The following DOCK1 variants were observed in gnomAD, a reference collection of about 807,000 sequenced individuals.
DOCK1 encodes the protein dedicator of cytokinesis protein 1.
In DOCK1, 138 loss-of-function variants were observed where a neutral mutation model predicts 262.7. The observed-to-expected ratio is 0.53, with a 90% CI of 0.46 to 0.61. The LOEUF is 0.61. Among genes scored for constraint, DOCK1 ranks in the 20% least tolerant of loss-of-function variants. DOCK1 has a pLI of 0.00. For missense variants in DOCK1, 1,908 were observed against 2,370.7 expected (o/e 0.80, Z 4.05); for synonymous variants, 866 against 867.4 (o/e 1.00, Z 0.03).
At chr10:127,021,166 G>T (rs1246325537) in intron 13 of DOCK1, among the ~76,000 whole-genome samples, 1 of 152,152 alleles carries the variant, frequency 6.6e-6, no homozygotes, top group Admixed American at 6.5e-5. Context: ...CGCACTTGAG[G>T]TGTACTTGGG....
chr10:127,125,025 G>A (rs745448645), intron 25 of DOCK1, among the ~76,000 whole-genome samples: 14 of 152,132 alleles, frequency 9.2e-5, no homozygotes, highest in Non-Finnish European at 1.9e-4. Context: ...GCTGAGGCGG[G>A]AGAATGGCGT....
intron 25 of DOCK1, among the ~76,000 whole-genome samples, chr10:127,115,590 C>A (rs554485088): frequency 1.7e-4 from 26 of 152,230 alleles, no homozygotes; most frequent in African/African-American, 6.3e-4. Flanking sequence ...AAGCTTAAAT[C>A]TTATAGAAAT....
chr10:126,930,210 A>G (rs974782717), intron 1 of DOCK1, among the ~76,000 whole-genome samples: 1 of 152,078 alleles, frequency 6.6e-6, no homozygotes, highest in Non-Finnish European at 1.5e-5. Flanking sequence ...CTTGTGATGG[A>G]CTTGTGGGTT....
chr10:126,966,919 C>G (rs1218833246), intron 1 of DOCK1, among the ~76,000 whole-genome samples: 1 of 152,192 alleles, frequency 6.6e-6, no homozygotes, highest in Non-Finnish European at 1.5e-5. Context: ...AGTCTGCTGT[C>G]CAGGGTTGAG....
intron 23 of DOCK1, among the ~76,000 whole-genome samples, chr10:127,089,657 A>G (rs2047403384): frequency 6.6e-6 from 1 of 152,150 alleles, no homozygotes; most frequent in Admixed American, 6.5e-5. Flanking sequence ...TTTCCAGGCC[A>G]TGGATGATGT....
At chr10:127,403,261 A>G (rs1337981980) in intron 39 of DOCK1, 117 bp downstream of exon 39, 3 of 977,882 alleles carry the variant, frequency 3.1e-6, no homozygotes, top group African/African-American at 1.6e-5. Flanking sequence ...GACCTTGGCC[A>G]TGTCCCTCCG....
intron 38 of DOCK1, among the ~76,000 whole-genome samples, chr10:127,390,706 C>G (rs12263901): frequency 0.31 from 46,377 of 151,988 alleles, 7,485 homozygotes; most frequent in Admixed American, 0.46. Flanking sequence ...TGTGACTTGA[C>G]GCCCCCAGCA....
At chr10:127,419,537 G>A (rs2068370235) in intron 45 of DOCK1, 129 bp from the exon 46 acceptor site, 8 of 832,846 alleles carry the variant, frequency 9.6e-6, no homozygotes, top group African/African-American at 1.7e-5. Flanking sequence ...GTGACCCTGA[G>A]TCTGCAGTGA....
At chr10:127,196,600 C>CGGGGCGGAGGT (rs1371977002) in intron 27 of DOCK1, among the ~76,000 whole-genome samples, 1 of 70,250 alleles carries the variant, frequency 1.4e-5, no homozygotes, top group Non-Finnish European at 2.8e-5. Flanking sequence ...CCGGGCCCCG[C>CGGGGCGGAGGT]GGGGCGGAGG....
intron 22 of DOCK1, among the ~76,000 whole-genome samples, chr10:127,058,700 A>G (rs1284628047): frequency 6.6e-6 from 1 of 151,006 alleles, no homozygotes; most frequent in Non-Finnish European, 1.5e-5. Flanking sequence ...TATTCTAGAG[A>G]TGGTAACATC....
chr10:127,271,040 T>C (rs898588135), intron 29 of DOCK1, among the ~76,000 whole-genome samples: 4 of 150,080 alleles, frequency 2.7e-5, no homozygotes, highest in African/African-American at 7.3e-5. Flanking sequence ...CACACACACA[T>C]ATATAAATGT....
intron 29 of DOCK1, among the ~76,000 whole-genome samples, chr10:127,290,312 T>A (rs1178644426): frequency 6.6e-6 from 1 of 152,236 alleles, no homozygotes; most frequent in Non-Finnish European, 1.5e-5. Context: ...CCTGTGTTTT[T>A]ATGTTGTGTA....
At chr10:126,994,945 G>T (rs2040067588) in intron 6 of DOCK1, among the ~76,000 whole-genome samples, 1 of 151,096 alleles carries the variant, frequency 6.6e-6, no homozygotes, top group Non-Finnish European at 1.5e-5. Flanking sequence ...CCGGGTGGAG[G>T]GGCTCCTCAC....
intron 1 of DOCK1, among the ~76,000 whole-genome samples, chr10:126,965,917 T>C (rs2037638826): frequency 6.6e-6 from 1 of 152,196 alleles, no homozygotes; most frequent in South Asian, 2.1e-4. Flanking sequence ...TGGTATATTA[T>C]GGTTAACTAT....
chr10:127,433,405 C>T lies in DOCK1; in HGVS notation c.5037C>T (p.Thr1679=). 1 of 1,613,978 alleles carries T rather than the reference C, an allele frequency of 6.2e-7. No homozygotes were observed. The highest frequency in any genetic ancestry group is 2.2e-5 in the East Asian group (1 of 44,864). The change falls in exon 48 of 52, where the codon ACC becomes ACT. Residue 1679 remains threonine (T), a synonymous_variant. Coordinates refer to ENST00000623213, the MANE Select transcript of DOCK1 (RefSeq NM_001290223.2). ...ASVSSLSSDS[T]PSRPGSDGFA... is the part of the protein sequence containing the mutation. Reference sequence around the variant, plus strand: ...TCTCTTCCCTCTCATCGGACAGCACCCCTTCCAGACCAGGCTCCGACGGGT... The same window carrying T: ...TCTCTTCCCTCTCATCGGACAGCACTCCTTCCAGACCAGGCTCCGACGGGT...
intron 29 of DOCK1, among the ~76,000 whole-genome samples, chr10:127,294,301 TTTTTG>T (rs556839253): frequency 1.2e-3 from 174 of 150,504 alleles, no homozygotes; most frequent in African/African-American, 3.7e-3. Flanking sequence ...TTGTTGTCGT[TTTTTG>T]TTTTGTTTTG....
intron 27 of DOCK1, among the ~76,000 whole-genome samples, chr10:127,170,893 A>C (rs1437660234): frequency 1.3e-5 from 2 of 152,248 alleles, no homozygotes; most frequent in Non-Finnish European, 2.9e-5. Flanking sequence ...CCCGCACTGC[A>C]TAAAGCAGAG....
chr10:127,253,558 C>A (rs1413165178), intron 28 of DOCK1, among the ~76,000 whole-genome samples: 1 of 152,070 alleles, frequency 6.6e-6, no homozygotes, highest in Non-Finnish European at 1.5e-5. Context: ...AAAAATTTTA[C>A]AAATACAGAA....
intron 37 of DOCK1, 95 bp downstream of exon 37, chr10:127,381,463 T>G: frequency 8.9e-7 from 1 of 1,126,264 alleles, no homozygotes; most frequent in Non-Finnish European, 1.3e-6. Flanking sequence ...TTAGTAGGCC[T>G]ATAACTTAAG....
Sources: allele counts gnomAD v4.1 joint callset (sites outside exome capture counted in the v4.1 genomes callset), GRCh38; gene constraint gnomAD v4.1.1; transcripts MANE v1.5; gene names NCBI Gene and HGNC (gene_info 2026-07-23, HGNC 2026-07-21).